The following CELF2 variants were observed in gnomAD, a reference collection of about 807,000 sequenced individuals.
The protein encoded by CELF2 is CUGBP Elav-like family member 2.
Under a neutral mutation model 62.6 loss-of-function variants are expected in CELF2, and 8 were observed. The ratio of observed to expected loss-of-function variants is 0.13; its 90% confidence interval spans 0.07 to 0.23. The LOEUF is 0.23. CELF2 is among the 10% of genes least tolerant of loss of function. The pLI, the probability that CELF2 is intolerant of heterozygous loss-of-function variation, is 1.00. For missense variants in CELF2, 333 were observed against 671.0 expected (o/e 0.50, Z 5.56); for synonymous variants, 258 against 250.0 (o/e 1.03, Z -0.30).
the CELF2 span, among the ~76,000 whole-genome samples, chr10:10,555,063 A>G: frequency 1.3e-5 from 2 of 152,176 alleles, no homozygotes; most frequent in Non-Finnish European, 2.9e-5. Context: ...TTAGAAAAAG[A>G]AAGGGAAATA....
chr10:10,900,389 G>T (rs1330560771), intron 1 of CELF2, among the ~76,000 whole-genome samples: 1 of 152,172 alleles, frequency 6.6e-6, no homozygotes, highest in Non-Finnish European at 1.5e-5. Flanking sequence ...GCCATGTGGG[G>T]TCTGGTTGGT....
chr10:10,837,511 A>G (rs929898533), intron 1 of CELF2, among the ~76,000 whole-genome samples: 2 of 152,204 alleles, frequency 1.3e-5, no homozygotes, highest in Non-Finnish European at 1.5e-5. Context: ...TGCACCTTCT[A>G]TCACCCTTGT....
intron 1 of CELF2, among the ~76,000 whole-genome samples, chr10:11,036,919 C>G (rs1348767990): frequency 6.6e-6 from 1 of 152,144 alleles, no homozygotes; most frequent in Non-Finnish European, 1.5e-5. Flanking sequence ...TTCTGATTAT[C>G]CTTCATTACC....
chr10:10,572,580 TCCCACTTATAAGTGAGAA>T, the CELF2 span, among the ~76,000 whole-genome samples: 4 of 151,454 alleles, frequency 2.6e-5, no homozygotes, highest in Admixed American at 2.6e-4. Context: ...ATTGTTCAGC[TCCCACTTATAAGTGAGAA>T]CATGTGGTGT....
rs777658274 is a variant in CELF2, at chr10:11,288,559, G to A, written c.976+7G>A. ...GGAGCCCTCACGAGTCCCGGTGAGT[G>A]TGGGGGGTGCTCTTCCCTTGCAGGT... On this transcript the variant is annotated splice_region_variant and intron_variant, in intron 9 of 12. Coordinates refer to ENST00000633077, the MANE Select transcript of CELF2 (RefSeq NM_001326342.2). 1.1e-5 allele frequency: 18 copies of A among 1,613,192 alleles called. No homozygotes were observed. In the South Asian group the frequency reaches 1.8e-4, roughly 16 times the overall value.
chr10:10,515,276 G>C, the CELF2 span, among the ~76,000 whole-genome samples: 3 of 152,150 alleles, frequency 2.0e-5, no homozygotes, highest in Non-Finnish European at 4.4e-5. Context: ...GACACTAGCT[G>C]TGTAAACTCA....
At chr10:11,163,686 CTGAT>C (rs1429894064) in intron 1 of CELF2, among the ~76,000 whole-genome samples, 2 of 152,150 alleles carry the variant, frequency 1.3e-5, no homozygotes, top group African/African-American at 4.8e-5. Flanking sequence ...GTTAGACAGT[CTGAT>C]TGTTTATTTC....
chr10:11,062,282 G>A (rs1299842611), intron 1 of CELF2, among the ~76,000 whole-genome samples: 1 of 152,232 alleles, frequency 6.6e-6, no homozygotes, highest in East Asian at 1.9e-4. Flanking sequence ...TCATTCTGCA[G>A]CCCATGGAGA....
At chr10:11,273,968 A>ACCCCCCCCCCC (rs10612614) in intron 7 of CELF2, among the ~76,000 whole-genome samples, 64 of 96,436 alleles carry the variant, frequency 6.6e-4, no homozygotes, top group Non-Finnish European at 9.1e-4. Context: ...AGTGATCCCC[A>ACCCCCCCCCCC]CCCCCCCCCC....
the CELF2 span, among the ~76,000 whole-genome samples, chr10:10,544,439 G>A: frequency 2.6e-4 from 39 of 152,344 alleles, no homozygotes; most frequent in South Asian, 2.1e-3. Context: ...TTGAACAAAC[G>A]GGTTTTCGCT....
intron 1 of CELF2, among the ~76,000 whole-genome samples, chr10:10,816,372 T>C (rs537242166): frequency 3.3e-4 from 50 of 152,362 alleles, no homozygotes; most frequent in Non-Finnish European, 6.0e-4. Flanking sequence ...TGACTTCAGA[T>C]AAACCTCTGT....
At position 11,218,651 on chromosome 10, in the gene CELF2, C is replaced by T. The variant is rs1407949048; in HGVS notation, c.354+1144C>T. 2.6e-5 allele frequency among the ~76,000 whole-genome samples: 4 copies of T among 152,162 alleles called. No homozygotes were observed. The East Asian group carries it at 5.8e-4, about 22-fold the overall frequency. On this transcript the variant is annotated intron_variant, in intron 3 of 12. Coordinates refer to ENST00000633077, the MANE Select transcript of CELF2 (RefSeq NM_001326342.2). ...CTACTTTGGTATTCCCCTTTGTATG[C>T]GAGGAAATCAAAGAATAGAAGGTTC... is the stretch of plus-strand genomic sequence containing the variant.
At chr10:10,520,587 C>G in the CELF2 span, among the ~76,000 whole-genome samples, 1 of 152,110 alleles carries the variant, frequency 6.6e-6, no homozygotes, top group Admixed American at 6.6e-5. Context: ...TGAGGGCACG[C>G]TGCTGAAGGC....
chr10:11,241,763 A>G (rs1261594316), intron 3 of CELF2, among the ~76,000 whole-genome samples: 1 of 152,010 alleles, frequency 6.6e-6, no homozygotes, highest in Non-Finnish European at 1.5e-5. Context: ...AGACAGGCAA[A>G]CCTGTGTGGG....
chr10:10,711,807 C>T, the CELF2 span, among the ~76,000 whole-genome samples: 11 of 152,074 alleles, frequency 7.2e-5, no homozygotes, highest in African/African-American at 1.2e-4. Context: ...ACTTGAACCT[C>T]GAAGGTGGAG....
intron 1 of CELF2, among the ~76,000 whole-genome samples, chr10:10,891,768 G>T (rs1265949734): frequency 6.6e-6 from 1 of 152,148 alleles, no homozygotes; most frequent in Non-Finnish European, 1.5e-5. Context: ...TCTGGCTTCT[G>T]GTCTCAGTTC....
intron 1 of CELF2, among the ~76,000 whole-genome samples, chr10:11,138,255 CATATTAA>C (rs1394003595): frequency 3.3e-5 from 5 of 152,154 alleles, no homozygotes; most frequent in Non-Finnish European, 5.9e-5. Context: ...GAGATGTTTA[CATATTAA>C]ATATTAGATC....
At chr10:10,766,590 TTA>T in the CELF2 span, among the ~76,000 whole-genome samples, 1 of 151,888 alleles carries the variant, frequency 6.6e-6, no homozygotes, top group African/African-American at 2.4e-5. Flanking sequence ...CTGCTGGAGG[TTA>T]GGTACTCAGC....
intron 9 of CELF2, among the ~76,000 whole-genome samples, chr10:11,310,552 G>C (rs1403945279): frequency 6.6e-6 from 1 of 152,036 alleles, no homozygotes; most frequent in African/African-American, 2.4e-5. Context: ...ACTGGAAGGA[G>C]GGCCCAAGGA....
Sources: gnomAD v4.1 joint callset for allele counts (sites outside exome capture counted in the v4.1 genomes callset) on GRCh38, gnomAD v4.1.1 for gene constraint, MANE v1.5 for transcripts, NCBI Gene and HGNC (gene_info 2026-07-23, HGNC 2026-07-21) for gene names.